NOL4: variants seen among roughly 807,000 people sequenced by gnomAD.
The protein encoded by NOL4 is cancer/testis antigen 125.
A neutral mutation model predicts 75.9 loss-of-function variants in NOL4; 17 were observed. That is an observed-to-expected ratio of 0.22 (90% CI 0.15 to 0.34). NOL4 has a LOEUF of 0.34. NOL4 is among the 10% of genes least tolerant of loss of function. The pLI, the probability that NOL4 is intolerant of heterozygous loss-of-function variation, is 1.00. For missense variants in NOL4, 614 were observed against 793.5 expected (o/e 0.77, Z 2.72); for synonymous variants, 292 against 289.9 (o/e 1.01, Z -0.07).
chr18:34,149,859 C>T (rs941756294), intron 1 of NOL4, among the ~76,000 whole-genome samples: 7 of 151,696 alleles, frequency 4.6e-5, no homozygotes, highest in Non-Finnish European at 5.9e-5. Context: ...GTATATAGTA[C>T]GTAATCAGCA....
chr18:34,189,998 T>C (rs951424796), intron 1 of NOL4, among the ~76,000 whole-genome samples: 50 of 150,252 alleles, frequency 3.3e-4, no homozygotes, highest in African/African-American at 9.0e-4. Context: ...TATATATATA[T>C]ACACACATAT....
chr18:33,943,240 C>A (rs1445342674), intron 8 of NOL4, 62 bp from the exon 9 acceptor site: 1 of 1,089,234 alleles, frequency 9.2e-7, no homozygotes, highest in Non-Finnish European at 1.4e-6. Context: ...CAGGCCAATG[C>A]TATTCTCAGA....
chr18:33,871,314 GC>G (rs1967960808), intron 10 of NOL4, among the ~76,000 whole-genome samples: 1 of 151,960 alleles, frequency 6.6e-6, no homozygotes. Flanking sequence ...ATGCAAACAA[GC>G]TTGGTTCCTA....
At chr18:33,881,850 A>C (rs2064298682) in intron 10 of NOL4, among the ~76,000 whole-genome samples, 1 of 152,090 alleles carries the variant, frequency 6.6e-6, no homozygotes, top group Non-Finnish European at 1.5e-5. Flanking sequence ...CTGGTACCAA[A>C]ACAGAGATAT....
intron 1 of NOL4, among the ~76,000 whole-genome samples, chr18:34,193,771 AT>A (rs2035095042): frequency 6.6e-6 from 1 of 152,228 alleles, no homozygotes; most frequent in African/African-American, 2.4e-5. Context: ...TGTTGAAAAA[AT>A]ATCTATACTC....
chr18:34,222,992 T>C lies in NOL4; in HGVS notation c.262A>G (p.Thr88Ala). The change falls in exon 1 of 11, where the codon ACG becomes GCG. Residue 88 changes from threonine to alanine, a missense_variant and splice_region_variant. Transcript: ENST00000261592. ...KQVLYVPVKT[T>A]DGVGVDEKLS... ...ACAGAGGAAGGCGAGTCACTCACCG[T>C]GGTCTTGACAGGCACGTAGAGCACT... 2 of 1,606,734 alleles carry C rather than the reference T, an allele frequency of 1.2e-6. No homozygotes were observed. Among genetic ancestry groups the C allele is most frequent in the Non-Finnish European group, 1.7e-6 (2 of 1,179,798 alleles).
chr18:34,019,703 A>C, intron 5 of NOL4, 102 bp from the exon 6 acceptor site: 1 of 983,324 alleles, frequency 1.0e-6, no homozygotes, highest in South Asian at 1.7e-5. Flanking sequence ...ATGGCATTTT[A>C]CATACAATAT....
At chr18:34,034,826 C>A in intron 5 of NOL4, among the ~76,000 whole-genome samples, 1 of 149,052 alleles carries the variant, frequency 6.7e-6, no homozygotes, top group Non-Finnish European at 1.5e-5. Flanking sequence ...TACTTCAAGT[C>A]AAAAACACTA....
Position 33,958,356 on chromosome 18 carries a change from A to G in NOL4, c.1119T>C (p.Ala373=), listed in dbSNP as rs2069823388. ...CTCCCCTGTTTAGTGAGAGGTCCTC[A>G]GCTCCTCGGTCTACACTCTCATTTT... ...SGKNESVDRG[A]EDLSLNRGDE... is the part of the protein sequence containing the mutation. The change falls in exon 7 of 11, where the codon GCT becomes GCC. Residue 373 remains alanine, a synonymous_variant. Coordinates refer to ENST00000261592, the MANE Select transcript of NOL4 (RefSeq NM_003787.5). The G allele has an allele frequency of 6.2e-7, 1 of 1,613,212 alleles. No homozygotes were observed. The highest frequency in any genetic ancestry group is 8.5e-7 in the Non-Finnish European group (1 of 1,179,604).
rs555390386 is a variant in NOL4, at chr18:34,054,947, T to C, written c.773-35346A>G. On this transcript the variant is annotated intron_variant, in intron 5 of 10. Coordinates refer to ENST00000261592, the MANE Select transcript of NOL4 (RefSeq NM_003787.5). ...TATATAATGTTATATATTAATATAT[T>C]CTATATTGCATATTTCCATATTATA... Among the ~76,000 whole-genome samples the C allele has an allele frequency of 2.2e-3, 329 of 149,308 alleles. 2 individuals are homozygous for C. The highest frequency in any genetic ancestry group is 7.6e-3 in the African/African-American group (313 of 41,028).
At chr18:33,964,308 AT>A (rs2032350169) in intron 6 of NOL4, among the ~76,000 whole-genome samples, 2 of 152,170 alleles carry the variant, frequency 1.3e-5, no homozygotes, top group East Asian at 1.9e-4. Context: ...CCTTTAAAAA[AT>A]ATCAGTTATT....
intron 5 of NOL4, among the ~76,000 whole-genome samples, chr18:34,021,431 G>A (rs1483126874): frequency 6.6e-6 from 1 of 152,156 alleles, no homozygotes; most frequent in Non-Finnish European, 1.5e-5. Flanking sequence ...GTAGTCTGGA[G>A]TGCAAGAAAA....
rs1020149885 is a variant in NOL4, at chr18:34,222,485, G to C, written c.264+505C>G. On this transcript the variant is annotated intron_variant, in intron 1 of 10. Coordinates refer to ENST00000261592, the MANE Select transcript of NOL4 (RefSeq NM_003787.5). ...TAACGATAAAACCTGACAGTGTCCT[G>C]GGGAAAACCCCACATCCACCGCTAG... The C allele has an allele frequency of 3.1e-6, 3 of 982,768 alleles. No individual in the cohort carries two copies. In the African/African-American group the frequency reaches 5.2e-5, roughly 17 times the overall value. The allele number at this position is 982,768 out of a possible 1,614,324, so 60.9% of individuals were successfully genotyped here. A position where few individuals can be genotyped will look rare whatever the true frequency, so the allele number is the denominator to read the frequency against.
chr18:34,094,023 C>G (rs973706482), intron 4 of NOL4, among the ~76,000 whole-genome samples: 5 of 152,066 alleles, frequency 3.3e-5, no homozygotes, highest in African/African-American at 4.8e-5. Context: ...GCCTGGGCAA[C>G]AGAGCGAGAC....
intron 2 of NOL4, chr18:34,121,350 GGTCTAGA>G (rs1294080174): frequency 6.6e-6 from 1 of 152,052 alleles, no homozygotes; most frequent in East Asian, 1.9e-4. Context: ...CCACTTTTCT[GGTCTAGA>G]GTTCATTGGC....
intron 6 of NOL4, among the ~76,000 whole-genome samples, chr18:33,975,847 C>G (rs1338456816): frequency 6.6e-6 from 1 of 152,198 alleles, no homozygotes; most frequent in Non-Finnish European, 1.5e-5. Context: ...GCATCTCTCC[C>G]TTTTCTCTCA....
rs183075895 is a variant in NOL4 at position 34,103,383 on chromosome 18, T to C, written c.639+664A>G. Among the ~76,000 whole-genome samples the C allele has an allele frequency of 2.1e-3, 314 of 152,122 alleles. 1 individual carries two copies. Among genetic ancestry groups the C allele is most frequent in the African/African-American group, 7.2e-3 (300 of 41,542 alleles). The stretch of plus-strand genomic sequence containing the variant: ...TGCTTTGACATAGCTTCAACCAAAA[T>C]GGCTAGCTAACTAGAATCCTACAGA... On this transcript the variant is annotated intron_variant, in intron 4 of 10. Coordinates refer to ENST00000261592, the MANE Select transcript of NOL4 (RefSeq NM_003787.5).
At chr18:33,889,818 C>T (rs753554274) in intron 9 of NOL4, among the ~76,000 whole-genome samples, 1 of 152,058 alleles carries the variant, frequency 6.6e-6, no homozygotes, top group Non-Finnish European at 1.5e-5. Flanking sequence ...GCAGAAAAGG[C>T]CTTTGACAAA....
At chr18:34,189,858 G>A (rs2034778664) in intron 1 of NOL4, among the ~76,000 whole-genome samples, 1 of 151,806 alleles carries the variant, frequency 6.6e-6, no homozygotes, top group Admixed American at 6.6e-5. Context: ...CTATGGACTT[G>A]GAGATTCATT....
Sources: gnomAD v4.1 joint callset for allele counts (sites outside exome capture counted in the v4.1 genomes callset) on GRCh38, gnomAD v4.1.1 for gene constraint, MANE v1.5 for transcripts, NCBI Gene and HGNC (gene_info 2026-07-23, HGNC 2026-07-21) for gene names.